The following TIMP3 variants were observed in gnomAD, a reference collection of about 807,000 sequenced individuals.
TIMP3 encodes the protein metalloproteinase inhibitor 3.
A neutral mutation model predicts 30.0 loss-of-function variants in TIMP3; 11 were observed. The observed-to-expected ratio is 0.37, with a 90% CI of 0.23 to 0.61. The LOEUF is 0.61. Ranked by LOEUF, TIMP3 falls within the 20% of genes least tolerant of loss-of-function variation. The probability of loss-of-function intolerance (pLI) is 0.70; values close to 1 mark genes in which losing one functional copy is unlikely to be tolerated. For missense variants in TIMP3, 181 were observed against 276.8 expected, an observed-to-expected ratio of 0.65 and a Z score of 2.45; for synonymous variants, 112 against 111.3, an observed-to-expected ratio of 1.01 and a Z score of -0.04.
chr22:32,802,048 T>C lies in TIMP3; in HGVS notation c.47T>C (p.Leu16Pro), dbSNP rs1236569285. The C allele has an allele frequency of 1.3e-6, 2 of 1,575,886 alleles. No individual in the cohort carries two copies. Among genetic ancestry groups the C allele is most frequent in the Non-Finnish European group, 8.6e-7 (1 of 1,165,662 alleles). Residue 16 changes from leucine (L) to proline (P), a missense_variant, in exon 1 of 5, where the codon CTG becomes CCG. Coordinates refer to ENST00000266085, the MANE Select transcript of TIMP3 (RefSeq NM_000362.5). Reference protein sequence around the residue: ...GLIVLLGSWSLGDWGAEACTC... With the variant: ...GLIVLLGSWSPGDWGAEACTC... ...ATCGTGCTCCTGGGCAGCTGGAGCC[T>C]GGGGGACTGGGGCGCCGAGGCGTGC...
intron 1 of TIMP3, among the ~76,000 whole-genome samples, chr22:32,815,799 A>C (rs928244052): frequency 6.6e-6 from 1 of 151,970 alleles, no homozygotes; most frequent in African/African-American, 2.4e-5. Flanking sequence ...TTTGAGCCGG[A>C]CCTCCTGACT....
At chr22:32,813,486 TACACACACACACACACACACAC>T (rs130277) in intron 1 of TIMP3, among the ~76,000 whole-genome samples, 30 of 138,286 alleles carry the variant, frequency 2.2e-4, no homozygotes, top group Admixed American at 7.2e-4. Context: ...TCTGAAAAGA[TACACACACACACACACACACAC>T]ACACACACAC....
In TIMP3 at chr22:32,837,341, C is replaced by G. The variant is rs565168533; in HGVS notation, c.122-12111C>G. 1.5e-3 allele frequency among the ~76,000 whole-genome samples: 224 copies of G among 152,250 alleles called. No individual in the cohort carries two copies. The highest frequency in any genetic ancestry group is 4.8e-3 in the African/African-American group (199 of 41,548). On this transcript the variant is annotated intron_variant, in intron 1 of 4. Transcript: ENST00000266085. The surrounding 1 kb of genome is among the most constrained non-coding windows in gnomAD (Gnocchi z 4.1). ...GGGGATAGGGGGTGGTCTCAGCCCC[C>G]CTCACCGAGTGCACTTGCATGGCAG...
chr22:32,802,115 C>T lies in TIMP3; in HGVS notation c.114C>T (p.Ser38=), dbSNP rs1298714159. Residue 38 remains serine (S), a synonymous_variant, in exon 1 of 5, where the codon TCC becomes TCT. Coordinates refer to ENST00000266085, the MANE Select transcript of TIMP3 (RefSeq NM_000362.5). ...ACCCCCAGGACGCCTTCTGCAACTC[C>T]GACATCGGTAAGCGCTCCTGGTGCC... ...PSHPQDAFCN[S]DIVIRAKVVG... is the part of the protein sequence containing the mutation. 1 of 1,582,700 alleles carries T rather than the reference C, an allele frequency of 6.3e-7. No individual in the cohort carries two copies. Among genetic ancestry groups the T allele is most frequent in the Admixed American group, 1.8e-5 (1 of 57,044 alleles).
At chr22:32,831,435 AGATG>A (rs979995152) in intron 1 of TIMP3, among the ~76,000 whole-genome samples, 2 of 152,154 alleles carry the variant, frequency 1.3e-5, no homozygotes, top group African/African-American at 4.8e-5. Flanking sequence ...CTTCAAAGCC[AGATG>A]ATCAGGGCAG....
At chr22:32,850,971 G>A (rs2048202398) in intron 2 of TIMP3, among the ~76,000 whole-genome samples, 1 of 152,144 alleles carries the variant, frequency 6.6e-6, no homozygotes, top group Non-Finnish European at 1.5e-5. Flanking sequence ...CTGTTGCTTT[G>A]GATTCAATTT....
intron 1 of TIMP3, among the ~76,000 whole-genome samples, chr22:32,847,189 T>A (rs1486618009): frequency 2.0e-5 from 3 of 152,212 alleles, no homozygotes; most frequent in African/African-American, 2.4e-5. Context: ...CTGGCAGACA[T>A]GCCTCTGCAC....
chr22:32,823,603 C>T (rs1170968346), intron 1 of TIMP3, among the ~76,000 whole-genome samples: 2 of 152,142 alleles, frequency 1.3e-5, no homozygotes, highest in African/African-American at 4.8e-5. Context: ...GAAGGAGAAG[C>T]ATTGCCAAGA....
chr22:32,858,674 T>G (rs1397575738), intron 4 of TIMP3, among the ~76,000 whole-genome samples: 1 of 152,152 alleles, frequency 6.6e-6, no homozygotes, highest in African/African-American at 2.4e-5. Context: ...CACTTCATCT[T>G]CAAAACAGTC....
At chr22:32,856,273 C>A (rs577760724) in intron 2 of TIMP3, among the ~76,000 whole-genome samples, 194 of 139,532 alleles carry the variant, frequency 1.4e-3, no homozygotes, top group African/African-American at 5.3e-3. Context: ...GCTGGGATGT[C>A]AGACATGTGT....
intron 1 of TIMP3, among the ~76,000 whole-genome samples, chr22:32,815,844 G>A (rs991446117): frequency 1.3e-5 from 2 of 152,084 alleles, no homozygotes; most frequent in Non-Finnish European, 2.9e-5. Flanking sequence ...TTCTGCCCAC[G>A]GTCACCCCAC....
chr22:32,844,700 T>C (rs2048011564), intron 1 of TIMP3, among the ~76,000 whole-genome samples: 1 of 151,894 alleles, frequency 6.6e-6, no homozygotes, highest in Admixed American at 6.6e-5. Context: ...TCTTCCTTGT[T>C]TCTTCTTCTT....
intron 4 of TIMP3, 84 bp from the exon 5 acceptor site, chr22:32,859,096 A>AG (rs2048460834): frequency 7.1e-7 from 1 of 1,404,928 alleles, no homozygotes; most frequent in African/African-American, 1.4e-5. Context: ...CAGTGGCCCC[A>AG]GGGTCTGAAT....
At chr22:32,833,800 C>A (rs1057183331) in intron 1 of TIMP3, 2 of 499,930 alleles carry the variant, frequency 4.0e-6, no homozygotes, top group East Asian at 1.3e-4. Flanking sequence ...CTTTATAGGG[C>A]CCTAGTGAGG....
intron 2 of TIMP3, among the ~76,000 whole-genome samples, chr22:32,852,896 C>T (rs1239930611): frequency 6.6e-6 from 1 of 152,194 alleles, no homozygotes; most frequent in Non-Finnish European, 1.5e-5. Context: ...CCATGAGAAA[C>T]CGATCCACTG....
At chr22:32,828,570 G>C (rs2047480670) in intron 1 of TIMP3, among the ~76,000 whole-genome samples, 4 of 152,324 alleles carry the variant, frequency 2.6e-5, no homozygotes, top group Middle Eastern at 3.4e-3. Context: ...TAGACTTTAA[G>C]GGCCTTTATT....
At chr22:32,850,472 C>T (rs1601537513) in intron 2 of TIMP3, among the ~76,000 whole-genome samples, 1 of 152,138 alleles carries the variant, frequency 6.6e-6, no homozygotes, top group East Asian at 1.9e-4. Context: ...AAGACTGGGG[C>T]TTCACCTTGA....
chr22:32,835,118 C>T (rs151256310), intron 1 of TIMP3, among the ~76,000 whole-genome samples: 4 of 152,266 alleles, frequency 2.6e-5, no homozygotes, highest in Non-Finnish European at 5.9e-5. Context: ...GTTCATGCAG[C>T]GGAATTGGCA....
At position 32,804,719 on chromosome 22, in the gene TIMP3, T is replaced by C. The variant is rs542015881; in HGVS notation, c.121+2597T>C. Among the ~76,000 whole-genome samples the C allele has an allele frequency of 3.3e-5, 5 of 152,282 alleles. No individual in the cohort carries two copies. The East Asian group carries it at 7.7e-4, about 24-fold the overall frequency. ...GGGGGAGGAGGAGTTAAAAGGTGTT[T>C]CTATGGCAACTCCAGGCCCTGCACC... On this transcript the variant is annotated intron_variant, in intron 1 of 4. Transcript: ENST00000266085.
Sources: allele counts gnomAD v4.1 joint callset (sites outside exome capture counted in the v4.1 genomes callset), GRCh38; gene constraint gnomAD v4.1.1; non-coding constraint Gnocchi (gnomAD v3.1); transcripts MANE v1.5; gene names NCBI Gene and HGNC (gene_info 2026-07-23, HGNC 2026-07-21).